The following CSMD3 variants were observed in gnomAD, a reference collection of about 807,000 sequenced individuals.
The protein encoded by CSMD3 is CUB and sushi domain-containing protein 3.
CSMD3 carries 177 observed loss-of-function variants against 435.2 expected under a neutral mutation model. The observed-to-expected ratio is 0.41, with a 90% CI of 0.36 to 0.46. CSMD3 has a LOEUF of 0.46. Among genes scored for constraint, CSMD3 ranks in the 20% least tolerant of loss-of-function variants. The pLI, the probability that CSMD3 is intolerant of heterozygous loss-of-function variation, is 0.34. For missense variants in CSMD3, 4,265 were observed against 4,504.6 expected (o/e 0.95, Z 1.52); for synonymous variants, 1,656 against 1,520.5 (o/e 1.09, Z -2.07).
rs533274620 is a variant in CSMD3 at position 112,805,663 on chromosome 8, T to G, written c.1860-5389A>C. ...TCTAACATCAGAAACTTTAGTACTT[T>G]GCTACCATCCTCTGCAAAGTTTTTT... On this transcript the variant is annotated intron_variant, in intron 12 of 70. Transcript: ENST00000297405. Among the ~76,000 whole-genome samples, 5 of 152,348 alleles carry G rather than the reference T, an allele frequency of 3.3e-5. No homozygotes were observed. The East Asian group carries it at 9.6e-4, about 29-fold the overall frequency.
chr8:113,048,083 C>CTTT (rs35254619), intron 5 of CSMD3, among the ~76,000 whole-genome samples: 5 of 106,934 alleles, frequency 4.7e-5, no homozygotes, highest in Non-Finnish European at 7.2e-5. Context: ...AACTTCAATT[C>CTTT]TTTTTTTTTT....
chr8:112,513,413 A>G (rs1015375994), intron 28 of CSMD3, among the ~76,000 whole-genome samples: 1 of 152,202 alleles, frequency 6.6e-6, no homozygotes, highest in Non-Finnish European at 1.5e-5. Context: ...AGAGACATGG[A>G]GGAACAGTCA....
chr8:112,409,335 T>C (rs12335247), intron 32 of CSMD3, among the ~76,000 whole-genome samples: 1,960 of 152,132 alleles, frequency 0.013, 39 homozygotes, highest in African/African-American at 0.045. Flanking sequence ...ATTAATACTT[T>C]ATAGTAACTA....
intron 12 of CSMD3, among the ~76,000 whole-genome samples, chr8:112,804,217 T>C (rs1327751532): frequency 6.6e-6 from 1 of 152,172 alleles, no homozygotes; most frequent in East Asian, 1.9e-4. Flanking sequence ...CTTTGATGAC[T>C]ATCCAAATTC....
intron 1 of CSMD3, among the ~76,000 whole-genome samples, chr8:113,340,913 G>A (rs2094114358): frequency 6.6e-6 from 1 of 150,780 alleles, no homozygotes; most frequent in Non-Finnish European, 1.5e-5. Context: ...ACCAGTGCCA[G>A]AAGTAGAAAT....
At chr8:112,329,318 T>A (rs954165668) in intron 45 of CSMD3, among the ~76,000 whole-genome samples, 2 of 152,104 alleles carry the variant, frequency 1.3e-5, no homozygotes, top group Non-Finnish European at 2.9e-5. Flanking sequence ...ATAGGCATAA[T>A]CAGAAAACAA....
At chr8:113,337,632 T>C (rs575032400) in intron 1 of CSMD3, among the ~76,000 whole-genome samples, 18 of 152,128 alleles carry the variant, frequency 1.2e-4, no homozygotes, top group African/African-American at 4.3e-4. Flanking sequence ...ATAGATAAAT[T>C]AGATTTTATC....
chr8:112,381,678 C>T (rs1829469153), intron 37 of CSMD3, among the ~76,000 whole-genome samples: 1 of 152,160 alleles, frequency 6.6e-6, no homozygotes, highest in Non-Finnish European at 1.5e-5. Context: ...TAACAGCAAC[C>T]ACTGAAGACA....
intron 32 of CSMD3, among the ~76,000 whole-genome samples, chr8:112,438,869 C>T (rs1017077459): frequency 7.9e-5 from 12 of 152,176 alleles, no homozygotes; most frequent in Admixed American, 2.6e-4. Flanking sequence ...CACCACATTT[C>T]TAATGAGTTT....
chr8:112,452,524 A>C (rs1816399410), intron 32 of CSMD3, among the ~76,000 whole-genome samples: 2 of 152,214 alleles, frequency 1.3e-5, no homozygotes, highest in Admixed American at 6.5e-5. Flanking sequence ...TTTTAAAAAC[A>C]GGGAAATGAC....
intron 13 of CSMD3, among the ~76,000 whole-genome samples, chr8:112,734,905 T>C (rs2077153575): frequency 6.6e-6 from 1 of 151,964 alleles, no homozygotes; most frequent in African/African-American, 2.4e-5. Context: ...TTTCTGTACT[T>C]TTTACAGCTT....
At chr8:112,366,383 G>T (rs1371553858) in intron 38 of CSMD3, among the ~76,000 whole-genome samples, 2 of 152,006 alleles carry the variant, frequency 1.3e-5, no homozygotes, top group Non-Finnish European at 2.9e-5. Flanking sequence ...GAAATCATTA[G>T]GCATTCATGG....
At chr8:113,412,657 C>G (rs1454112124) in intron 1 of CSMD3, among the ~76,000 whole-genome samples, 1 of 152,058 alleles carries the variant, frequency 6.6e-6, no homozygotes, top group East Asian at 1.9e-4. Flanking sequence ...CCACTGAAAA[C>G]TATAGTATAA....
intron 1 of CSMD3, among the ~76,000 whole-genome samples, chr8:113,318,786 A>ATGTGTG (rs56269027): frequency 0.095 from 13,245 of 140,006 alleles, 768 homozygotes; most frequent in African/African-American, 0.13. Context: ...GCTGAATAAG[A>ATGTGTG]TGTGTGTGTG....
intron 22 of CSMD3, among the ~76,000 whole-genome samples, chr8:112,625,605 C>T (rs888318461): frequency 6.6e-6 from 1 of 152,098 alleles, no homozygotes; most frequent in African/African-American, 2.4e-5. Flanking sequence ...CACTGTTTGT[C>T]GACTGATTAA....
chr8:112,235,556 G>A (rs1329221957), intron 67 of CSMD3, among the ~76,000 whole-genome samples: 1 of 147,592 alleles, frequency 6.8e-6, no homozygotes, highest in Non-Finnish European at 1.5e-5. Context: ...CATGGTAAGT[G>A]TTCTAAGGGT....
intron 7 of CSMD3, among the ~76,000 whole-genome samples, chr8:112,958,695 A>T (rs530586444): frequency 9.6e-4 from 147 of 152,332 alleles, no homozygotes; most frequent in Non-Finnish European, 1.8e-3. Context: ...CTACTATAAA[A>T]ATTAACCATA....
intron 20 of CSMD3, among the ~76,000 whole-genome samples, chr8:112,642,420 T>G (rs571446026): frequency 6.6e-6 from 1 of 152,298 alleles, no homozygotes; most frequent in Admixed American, 6.5e-5. Flanking sequence ...TAACTGAGTT[T>G]GAAACTACTG....
chr8:113,416,598 T>C (rs748664218), intron 1 of CSMD3, among the ~76,000 whole-genome samples: 4 of 152,108 alleles, frequency 2.6e-5, no homozygotes, highest in Non-Finnish European at 4.4e-5. Flanking sequence ...ACATTCCCAG[T>C]GCTCTTGAAG....
Sources: gnomAD v4.1 joint callset for allele counts (sites outside exome capture counted in the v4.1 genomes callset) on GRCh38, gnomAD v4.1.1 for gene constraint, MANE v1.5 for transcripts, NCBI Gene and HGNC (gene_info 2026-07-23, HGNC 2026-07-21) for gene names.